Variants in KIF18B observed in about 807,000 individuals in gnomAD.
The protein encoded by KIF18B is kinesin family member 18B.
In KIF18B, 49 loss-of-function variants were observed where a neutral mutation model predicts 80.9. The ratio of observed to expected loss-of-function variants is 0.61; its 90% CI spans 0.48 to 0.77. The LOEUF is 0.77. KIF18B is among the 30% of genes least tolerant of loss of function. The pLI is 0.00. For synonymous variants in KIF18B, 439 were observed against 463.9 expected (o/e 0.95, Z 0.69); for missense variants, 994 against 1,127.7 (o/e 0.88, Z 1.70).
Position 44,934,884 on chromosome 17 carries a change from T to G in KIF18B, c.523A>C (p.Ile175Leu), listed in dbSNP as rs1361796227. ...DLLEPKGPLA[I>L]REDPDKGVVV... ...ACCCCCTTGTCGGGGTCCTCGCGGA[T>G]GGCAAGGGGCCCCTTGGGCTCCAGG... The change falls in exon 4 of 16, where the codon ATC (isoleucine) becomes CTC (leucine). Residue 175 changes from isoleucine to leucine, a missense_variant. Transcript: ENST00000593135. The surrounding 1 kb of genome is among the most constrained non-coding windows in gnomAD (Gnocchi z 5.4). The G allele has an allele frequency of 6.4e-7, 1 of 1,552,080 alleles. No homozygotes were observed. The highest frequency in any genetic ancestry group is 1.4e-5 in the African/African-American group (1 of 73,114).
Position 44,934,858 on chromosome 17 carries a change from C to T in KIF18B, c.549G>A (p.Val183=), listed in dbSNP as rs1348750109. ...LAIREDPDKG[V]VVQGLSFHQP... ...GGTGGAAAGAAAGTCCTTGCACCACCACCCCCTTGTCGGGGTCCTCGCGGA... is the reference window on the plus strand; with the variant it reads ...GGTGGAAAGAAAGTCCTTGCACCACTACCCCCTTGTCGGGGTCCTCGCGGA... Residue 183 remains valine (V), a synonymous_variant, in exon 4 of 16, where the codon GTG becomes GTA. Transcript: ENST00000593135. The surrounding 1 kb of genome is among the most constrained non-coding windows in gnomAD (Gnocchi z 5.4). 3 of 1,550,266 alleles carry T rather than the reference C, an allele frequency of 1.9e-6. No individual in the cohort carries two copies. The highest frequency in any genetic ancestry group is 2.0e-5 in the Admixed American group (1 of 50,994).
At chr17:44,937,729 C>A (rs1348554593) in intron 1 of KIF18B, among the ~76,000 whole-genome samples, 1 of 152,002 alleles carries the variant, frequency 6.6e-6, no homozygotes, top group Non-Finnish European at 1.5e-5. Context: ...CATATTCATA[C>A]CCAATATTTC....
At chr17:44,930,219 C>T (rs750325696) in intron 11 of KIF18B, among the ~76,000 whole-genome samples, 12 of 152,204 alleles carry the variant, frequency 7.9e-5, no homozygotes, top group Admixed American at 3.3e-4. Context: ...GAAGCATGGG[C>T]GTTTGGGGGA....
intron 1 of KIF18B, 113 bp downstream of exon 1, chr17:44,947,515 C>G (rs957790615): frequency 3.3e-5 from 5 of 152,376 alleles, no homozygotes; most frequent in African/African-American, 1.2e-4. Flanking sequence ...ACCTTGACGT[C>G]CAGCACAAAA....
chr17:44,937,912 T>A (rs886478034), intron 1 of KIF18B, among the ~76,000 whole-genome samples: 1 of 152,098 alleles, frequency 6.6e-6, no homozygotes, highest in Non-Finnish European at 1.5e-5. Context: ...TCTTCTATTC[T>A]TGTTTTACTT....
Position 44,934,647 on chromosome 17 carries a change from G to A in KIF18B, c.577-30C>T. 6.5e-7 allele frequency: 1 copy of A among 1,537,166 alleles called. No individual in the cohort carries two copies. Among genetic ancestry groups the A allele is most frequent in the Non-Finnish European group, 8.8e-7 (1 of 1,135,534 alleles). On this transcript the variant is annotated intron_variant, in intron 4 of 15. Coordinates refer to ENST00000593135, the MANE Select transcript of KIF18B (RefSeq NM_001265577.2). The surrounding 1 kb of genome is among the most constrained non-coding windows in gnomAD (Gnocchi z 5.4). Reference sequence around the variant, plus strand: ...AGAGGAGAAGCCCAGGAACGGGGCTGTGGGTTCCCGGATCAGGACTTTTCC... The same window carrying A: ...AGAGGAGAAGCCCAGGAACGGGGCTATGGGTTCCCGGATCAGGACTTTTCC...
intron 1 of KIF18B, among the ~76,000 whole-genome samples, chr17:44,939,227 C>T (rs1403935885): frequency 2.0e-5 from 3 of 151,350 alleles, no homozygotes; most frequent in African/African-American, 7.3e-5. Flanking sequence ...AAAAATTAGT[C>T]GGGCACGGTG....
chr17:44,929,486 T>C (rs1481352046), intron 11 of KIF18B, among the ~76,000 whole-genome samples: 1 of 152,050 alleles, frequency 6.6e-6, no homozygotes, highest in Non-Finnish European at 1.5e-5. Flanking sequence ...CTGGCTCCAA[T>C]ACCTCCCAGC....
At position 44,925,534 on chromosome 17, in the gene KIF18B, A is replaced by T. The variant is rs926360395; in HGVS notation, c.*546T>A. On this transcript the variant is annotated 3_prime_UTR_variant, in exon 16 of 16. Coordinates refer to ENST00000593135, the MANE Select transcript of KIF18B (RefSeq NM_001265577.2). ...GGTAGCTCATGCCTGTAATCTCAGCACTTTGGGAAGCTGAGGCAGGCGGAT... is the reference window on the plus strand; with the variant it reads ...GGTAGCTCATGCCTGTAATCTCAGCTCTTTGGGAAGCTGAGGCAGGCGGAT... 9 of 167,676 alleles carry T rather than the reference A, an allele frequency of 5.4e-5. No homozygotes were observed. The highest frequency in any genetic ancestry group is 1.9e-4 in the African/African-American group (8 of 41,432). The allele number at this position is 167,676 out of a possible 1,614,324, so 10.4% of individuals were successfully genotyped here.
Position 44,932,785 on chromosome 17 carries a change from G to C in KIF18B, c.1138-12C>G. ...CTCAGAGCGGCTACCTGGAACAGAA[G>C]CAGCCCAGCCCCTGAGAGCCCCAGC... is the stretch of plus-strand genomic sequence containing the variant. On this transcript the variant is annotated splice_polypyrimidine_tract_variant and intron_variant, in intron 8 of 15. Coordinates refer to ENST00000593135, the MANE Select transcript of KIF18B (RefSeq NM_001265577.2). 6.2e-7 allele frequency: 1 copy of C among 1,610,104 alleles called. No homozygotes were observed. Among genetic ancestry groups the C allele is most frequent in the South Asian group, 1.1e-5 (1 of 90,778 alleles).
chr17:44,933,816 T>C, intron 7 of KIF18B, 107 bp downstream of exon 7: 1 of 1,113,118 alleles, frequency 9.0e-7, no homozygotes, highest in Non-Finnish European at 1.3e-6. Flanking sequence ...TTCCTCTGCC[T>C]TGGGGACACT....
In KIF18B at chr17:44,934,538, G is replaced by C; in HGVS notation, c.656C>G (p.Ala219Gly). 5 of 1,612,914 alleles carry C rather than the reference G, an allele frequency of 3.1e-6. No homozygotes were observed. The highest frequency in any genetic ancestry group is 3.4e-6 in the Non-Finnish European group (4 of 1,179,440). The change falls in exon 5 of 16, where the codon GCG becomes GGG. Residue 219 changes from alanine (A) to glycine (G), a missense_variant. Transcript: ENST00000593135. This position sits in a 1 kb window ranked among gnomAD's most constrained non-coding sequence, Gnocchi z 5.4. ...GATGGCATGGGAGCGGGAGGAAGTC[G>C]CGTTGGCATCAGTGGGGTGCTGCGT... is the stretch of plus-strand genomic sequence containing the variant. The part of the protein sequence containing the change: ...NRTQHPTDAN[A>G]TSSRSHAIFQ...
chr17:44,935,962 C>A, intron 2 of KIF18B, 70 bp downstream of exon 2: 1 of 1,428,744 alleles, frequency 7.0e-7, no homozygotes. Flanking sequence ...TGCCAGAAGA[C>A]ACATGAAACC....
chr17:44,944,660 G>A (rs1421421169), intron 1 of KIF18B, among the ~76,000 whole-genome samples: 1 of 152,160 alleles, frequency 6.6e-6, no homozygotes, highest in African/African-American at 2.4e-5. Flanking sequence ...TCAATTGCCT[G>A]TAAGTTTCTG....
chr17:44,947,763 G>A lies in KIF18B; in HGVS notation c.-150C>T, dbSNP rs372723495. On this transcript the variant is annotated 5_prime_UTR_variant, in exon 1 of 16. Transcript: ENST00000593135. ...CGCGCCAACCTCCACCCGGCGCCTT[G>A]CGTTCAAATTAGCCGGGCGGGCCGG... 15 of 152,396 alleles carry A rather than the reference G, an allele frequency of 9.8e-5. No homozygotes were observed. Among genetic ancestry groups the A allele is most frequent in the African/African-American group, 2.9e-4 (12 of 41,580 alleles). 9.4% of individuals were successfully genotyped at this position (152,396 alleles called of 1,614,324 possible).
In KIF18B at chr17:44,927,064, A is replaced by AGG; in HGVS notation, c.2289_2290dup (p.Leu764ProfsTer5). 1.2e-6 allele frequency: 2 copies of AGG among 1,611,266 alleles called. No individual in the cohort carries two copies. The highest frequency in any genetic ancestry group is 1.7e-6 in the Non-Finnish European group (2 of 1,178,672). ...TGGCTTGGGGCCCTTCATGGTGAAC[A>AGG]GGGGCACAGGTGCCCTGGGGAGGGA... On this transcript the variant is annotated frameshift_variant, in exon 14 of 16. Coordinates refer to ENST00000593135, the MANE Select transcript of KIF18B (RefSeq NM_001265577.2). LOFTEE classifies it high-confidence loss of function. The surrounding 1 kb of genome is among the most constrained non-coding windows in gnomAD (Gnocchi z 4.1).
At position 44,935,390 on chromosome 17, in the gene KIF18B, C is replaced by T. The variant is rs1242045874; in HGVS notation, c.340G>A (p.Gly114Arg). ...SVFAYGATGA[G>R]KTHTMLGREG... Reference sequence around the variant, plus strand: ...CTTCCCAGCATGGTGTGTGTCTTCCCAGCCCCGGTGGCCCCGTAGGCAAAC... The same window carrying T: ...CTTCCCAGCATGGTGTGTGTCTTCCTAGCCCCGGTGGCCCCGTAGGCAAAC... The change falls in exon 3 of 16, where the codon GGG becomes AGG. Residue 114 changes from glycine to arginine, a missense_variant. Physicochemically the swap from Gly to Arg is moderately radical, Grantham distance 125 (BLOSUM62 -2). Transcript: ENST00000593135. 3 of 1,612,060 alleles carry T rather than the reference C, an allele frequency of 1.9e-6. No homozygotes were observed. Among genetic ancestry groups the T allele is most frequent in the Non-Finnish European group, 2.5e-6 (3 of 1,178,844 alleles).
At chr17:44,945,760 G>T (rs1033317951) in intron 1 of KIF18B, among the ~76,000 whole-genome samples, 1 of 151,824 alleles carries the variant, frequency 6.6e-6, no homozygotes, top group Non-Finnish European at 1.5e-5. Context: ...CAAAAAATTA[G>T]CCGGGTGTGG....
At position 44,927,131 on chromosome 17, in the gene KIF18B, GC is replaced by G; in HGVS notation, c.2277-54del. The G allele has an allele frequency of 7.3e-7, 1 of 1,378,666 alleles. No homozygotes were observed. The highest frequency in any genetic ancestry group is 1.0e-6 in the Non-Finnish European group (1 of 1,000,538). The allele number at this position is 1,378,666 out of a possible 1,614,324, so 85.4% of individuals were successfully genotyped here. On this transcript the variant is annotated intron_variant, in intron 13 of 15. Transcript: ENST00000593135. The surrounding 1 kb of genome is among the most constrained non-coding windows in gnomAD (Gnocchi z 4.1). The stretch of plus-strand genomic sequence containing the variant: ...TGATCAGCAGGGAACCGGAAGCAAG[GC>G]CAGCCACTTCCTCCCTCCAGCCCCC...
Sources: gnomAD v4.1 joint callset for allele counts (sites outside exome capture counted in the v4.1 genomes callset) on GRCh38, gnomAD v4.1.1 for gene constraint, Gnocchi (gnomAD v3.1) non-coding constraint, MANE v1.5 for transcripts, NCBI Gene and HGNC (gene_info 2026-07-23, HGNC 2026-07-21) for gene names.